Variants in PTPRG observed in about 807,000 individuals in gnomAD.
The protein encoded by PTPRG is protein tyrosine phosphatase receptor type G, also known as receptor-type tyrosine-protein phosphatase gamma.
Under a neutral mutation model 165.3 loss-of-function variants are expected in PTPRG, and 102 were observed. The ratio of observed to expected loss-of-function variants is 0.62; its 90% CI spans 0.53 to 0.73. The LOEUF is 0.73. Among genes scored for constraint, PTPRG ranks in the 30% least tolerant of loss-of-function variants. The pLI, the probability that PTPRG is intolerant of heterozygous loss-of-function variation, is 0.00. For missense variants in PTPRG, 1,866 were observed against 1,861.4 expected (o/e 1.00, Z -0.05); for synonymous variants, 675 against 669.5 (o/e 1.01, Z -0.13).
chr3:61,903,834 G>C (rs1258289698), intron 2 of PTPRG, among the ~76,000 whole-genome samples: 1 of 152,156 alleles, frequency 6.6e-6, no homozygotes, highest in Non-Finnish European at 1.5e-5. Flanking sequence ...AGGTCATATG[G>C]TGGTCTGTAC....
At position 62,271,323 on chromosome 3, in the gene PTPRG, A is replaced by AT. The variant is rs1411456432; in HGVS notation, c.3010-53dup. 4.9e-6 allele frequency: 7 copies of AT among 1,419,354 alleles called. No homozygotes were observed. The highest frequency in any genetic ancestry group is 4.3e-5 in the African/African-American group (3 of 70,028). The allele number at this position is 1,419,354 out of a possible 1,614,324, so 87.9% of individuals were successfully genotyped here. A position where few individuals can be genotyped will look rare whatever the true frequency, so the allele number is the denominator to read the frequency against. On this transcript the variant is annotated intron_variant, in intron 20 of 29. Transcript: ENST00000474889. This position sits in a 1 kb window ranked among gnomAD's most constrained non-coding sequence, Gnocchi z 4.1. ...TCATGTGTCCTGACACCCTTACATTATTTTTTTCCAGAATGTCCACCCCCC... is the reference window on the plus strand; with the variant it reads ...TCATGTGTCCTGACACCCTTACATTATTTTTTTTCCAGAATGTCCACCCCCC...
intron 2 of PTPRG, among the ~76,000 whole-genome samples, chr3:61,955,303 C>A (rs748202142): frequency 2.0e-5 from 3 of 151,970 alleles, no homozygotes; most frequent in East Asian, 3.8e-4. Context: ...TTTTCTCTTA[C>A]GCGAAGTAAA....
chr3:62,191,720 C>G, intron 9 of PTPRG, 67 bp downstream of exon 9: 1 of 1,460,566 alleles, frequency 6.8e-7, no homozygotes, highest in Non-Finnish European at 9.4e-7. Flanking sequence ...AGCTCTCTGC[C>G]AGGCACTGCA....
intron 1 of PTPRG, among the ~76,000 whole-genome samples, chr3:61,710,995 C>G (rs2031522933): frequency 6.6e-6 from 1 of 151,932 alleles, no homozygotes. Context: ...CTGTTCAACT[C>G]CCACTTATGA....
In PTPRG at chr3:62,243,892, A is replaced by G. The variant is rs776124375; in HGVS notation, c.2461A>G (p.Ile821Val). The change falls in exon 15 of 30, where the codon ATT (isoleucine) becomes GTT (valine). Residue 821 changes from isoleucine to valine, a missense_variant. Transcript: ENST00000474889. ...VPNESIPIIP[I>V]PDDMEAIPVK... ...TAATGAAAGTATCCCTATTATTCCTATTCCGGGTAAGTAAGACACTGCTCT... is the reference window on the plus strand; with the variant it reads ...TAATGAAAGTATCCCTATTATTCCTGTTCCGGGTAAGTAAGACACTGCTCT... 3 of 1,525,582 alleles carry G rather than the reference A, an allele frequency of 2.0e-6. No homozygotes were observed. The African/African-American group carries it at 4.1e-5, about 21-fold the overall frequency. The allele number at this position is 1,525,582 out of a possible 1,614,324, so 94.5% of individuals were successfully genotyped here. A position where few individuals can be genotyped will look rare whatever the true frequency, so the allele number is the denominator to read the frequency against.
intron 6 of PTPRG, among the ~76,000 whole-genome samples, chr3:62,142,979 C>G (rs1054397652): frequency 4.6e-5 from 7 of 152,124 alleles, no homozygotes; most frequent in African/African-American, 1.7e-4. Context: ...GCGACTTGCC[C>G]CAGCGTCACA....
chr3:61,939,361 G>A (rs576293358), intron 2 of PTPRG, among the ~76,000 whole-genome samples: 1 of 152,256 alleles, frequency 6.6e-6, no homozygotes, highest in East Asian at 1.9e-4. Flanking sequence ...GCAAAACTGA[G>A]TAAATATGCA....
chr3:61,875,163 T>G (rs2037699084), intron 2 of PTPRG, among the ~76,000 whole-genome samples: 1 of 152,206 alleles, frequency 6.6e-6, no homozygotes, highest in Admixed American at 6.5e-5. Context: ...CTCTTTTCAG[T>G]GTGTAGAAGT....
At chr3:61,804,689 A>AT (rs2035357833) in intron 2 of PTPRG, among the ~76,000 whole-genome samples, 1 of 152,016 alleles carries the variant, frequency 6.6e-6, no homozygotes, top group South Asian at 2.1e-4. Context: ...CAAAAAAAAA[A>AT]AAAAAATAAA....
intron 2 of PTPRG, among the ~76,000 whole-genome samples, chr3:61,753,040 G>T (rs186824667): frequency 9.9e-5 from 15 of 152,236 alleles, no homozygotes; most frequent in Admixed American, 9.2e-4. Flanking sequence ...TTAGCATAGA[G>T]AACTATTTAT....
At chr3:61,967,000 T>A (rs1392463906) in intron 2 of PTPRG, among the ~76,000 whole-genome samples, 1 of 152,226 alleles carries the variant, frequency 6.6e-6, no homozygotes, top group African/African-American at 2.4e-5. Flanking sequence ...TGGCTTAATT[T>A]CTTTCTAGTG....
chr3:62,089,945 T>C (rs1701874261), intron 5 of PTPRG, among the ~76,000 whole-genome samples: 3 of 152,186 alleles, frequency 2.0e-5, no homozygotes, highest in Admixed American at 2.0e-4. Context: ...AAAATTGCAA[T>C]GGGAGGAGTT....
chr3:61,826,977 C>G (rs556113207), intron 2 of PTPRG, among the ~76,000 whole-genome samples: 3 of 152,240 alleles, frequency 2.0e-5, no homozygotes, highest in East Asian at 1.9e-4. Flanking sequence ...TTATCCCGCC[C>G]TCTTCTAAGT....
chr3:61,949,628 A>G (rs531530061), intron 2 of PTPRG, among the ~76,000 whole-genome samples: 1 of 152,272 alleles, frequency 6.6e-6, no homozygotes, highest in Non-Finnish European at 1.5e-5. Flanking sequence ...CCAAGTTTCC[A>G]TGACTGTCAA....
At chr3:62,201,410 A>T in intron 10 of PTPRG, 95 bp from the exon 11 acceptor site, 1 of 993,318 alleles carries the variant, frequency 1.0e-6, no homozygotes, top group African/African-American at 1.6e-5. Flanking sequence ...GACATGTGAA[A>T]ATTATATGTA....
intron 1 of PTPRG, among the ~76,000 whole-genome samples, chr3:61,665,469 T>TACACACACAC (rs10662394): frequency 0.032 from 4,602 of 143,954 alleles, 122 homozygotes; most frequent in African/African-American, 0.073. Context: ...TGTAAATAAA[T>TACACACACAC]ACACACACAC....
intron 5 of PTPRG, among the ~76,000 whole-genome samples, chr3:62,127,234 A>C (rs1287026461): frequency 2.6e-5 from 4 of 152,160 alleles, no homozygotes; most frequent in African/African-American, 4.8e-5. Context: ...CCACATTATA[A>C]ATGCTTTCTG....
At chr3:62,279,126 G>A (rs1390965274) in intron 26 of PTPRG, among the ~76,000 whole-genome samples, 1 of 152,010 alleles carries the variant, frequency 6.6e-6, no homozygotes, top group Non-Finnish European at 1.5e-5. Context: ...TTTTCCTAAA[G>A]ATTGATATCT....
At chr3:61,574,886 C>G (rs964502315) in intron 1 of PTPRG, among the ~76,000 whole-genome samples, 1 of 152,124 alleles carries the variant, frequency 6.6e-6, no homozygotes, top group African/African-American at 2.4e-5. Flanking sequence ...GGGAACTAAT[C>G]CATTCCCACG....
Sources: gnomAD v4.1 joint callset for allele counts (sites outside exome capture counted in the v4.1 genomes callset) on GRCh38, gnomAD v4.1.1 for gene constraint, Gnocchi (gnomAD v3.1) non-coding constraint, MANE v1.5 for transcripts, NCBI Gene and HGNC (gene_info 2026-07-23, HGNC 2026-07-21) for gene names.